The following MRPL42 variants were observed in gnomAD, a reference collection of about 807,000 sequenced individuals.
The protein encoded by MRPL42 is mitochondrial ribosomal protein L42, also known as large ribosomal subunit protein mL42.
Under a neutral mutation model 17.9 loss-of-function variants are expected in MRPL42, and 17 were observed. The observed-to-expected ratio is 0.95, with a 90% CI of 0.65 to 1.42. The LOEUF (loss-of-function observed/expected upper bound fraction) is 1.42. Among genes scored for constraint, MRPL42 ranks in the 40% most tolerant of loss-of-function variants. The pLI, the probability that MRPL42 is intolerant of heterozygous loss-of-function variation, is 0.00. For missense variants in MRPL42, 177 were observed against 175.2 expected, an observed-to-expected ratio of 1.01 and a Z score of -0.06; for synonymous variants, 59 against 54.4, an observed-to-expected ratio of 1.08 and a Z score of -0.37.
rs958593085 is a variant in MRPL42 at position 93,511,676 on chromosome 12, A to G, written c.*10455A>G. 1.3e-5 allele frequency: 2 copies of G among 152,250 alleles called. No individual in the cohort carries two copies. Among genetic ancestry groups the G allele is most frequent in the African/African-American group, 4.8e-5 (2 of 41,474 alleles). 9.4% of individuals were successfully genotyped at this position (152,250 alleles called of 1,614,324 possible). A position where few individuals can be genotyped will look rare whatever the true frequency, so the allele number is the denominator to read the frequency against. On this transcript the variant is annotated 3_prime_UTR_variant, in exon 6 of 6. Transcript: ENST00000549982. ...CAATTAGTTTATATGCTATTTGAAT[A>G]TGATAGTAATATGAAGGAAGATTCT...
At chr12:93,472,307 G>A (rs956814675) in intron 2 of MRPL42, among the ~76,000 whole-genome samples, 2 of 152,174 alleles carry the variant, frequency 1.3e-5, no homozygotes, top group African/African-American at 4.8e-5. Context: ...TGAAAGTAAA[G>A]GGCTGGGCAG....
At chr12:93,485,108 C>G (rs1431562673) in intron 4 of MRPL42, among the ~76,000 whole-genome samples, 1 of 144,826 alleles carries the variant, frequency 6.9e-6, no homozygotes, top group Non-Finnish European at 1.5e-5. Flanking sequence ...CCACTTTGAC[C>G]TTCCTAAGTG....
rs1276291967 is a variant in MRPL42, at chr12:93,504,570, AATGT to A, written c.*3354_*3357del. On this transcript the variant is annotated 3_prime_UTR_variant, in exon 6 of 6. Transcript: ENST00000549982. Reference sequence around the variant, plus strand: ...ATGTTTTAATTTGATCAGCCACTTTAATGTATGTCTCATTTCAAAGCATATAAAG... The same window carrying A: ...ATGTTTTAATTTGATCAGCCACTTTAATGTCTCATTTCAAAGCATATAAAG... The A allele has an allele frequency of 6.6e-6, 1 of 152,192 alleles. No individual in the cohort carries two copies. Among genetic ancestry groups the A allele is most frequent in the Non-Finnish European group, 1.5e-5 (1 of 68,030 alleles). The allele number at this position is 152,192 out of a possible 1,614,324, so 9.4% of individuals were successfully genotyped here.
intron 4 of MRPL42, among the ~76,000 whole-genome samples, chr12:93,479,936 G>A (rs752220123): frequency 2.1e-4 from 32 of 150,074 alleles, no homozygotes; most frequent in Non-Finnish European, 4.3e-4. Context: ...GGCCAACATA[G>A]GTATATATTT....
chr12:93,494,865 A>G (rs986497452), intron 5 of MRPL42, among the ~76,000 whole-genome samples: 11 of 152,216 alleles, frequency 7.2e-5, no homozygotes, highest in Non-Finnish European at 1.3e-4. Context: ...TTAGATATGT[A>G]AAAAGAATTT....
At chr12:93,468,124 G>T (rs941176527) in intron 1 of MRPL42, among the ~76,000 whole-genome samples, 2 of 152,064 alleles carry the variant, frequency 1.3e-5, no homozygotes, top group Non-Finnish European at 2.9e-5. Flanking sequence ...AAATGGAGAT[G>T]CTGCTTCACA....
At position 93,514,878 on chromosome 12, in the gene MRPL42, A is replaced by G. The variant is rs1300560616; in HGVS notation, c.*13657A>G. 6.6e-6 allele frequency: 1 copy of G among 152,072 alleles called. No individual in the cohort carries two copies. The highest frequency in any genetic ancestry group is 2.4e-5 in the African/African-American group (1 of 41,410). 9.4% of individuals were successfully genotyped at this position (152,072 alleles called of 1,614,324 possible). ...TATTTTTTTTTACTGTGGACAGTAT[A>G]CTTTTACGAATGGTGCCAATAATGC... is the stretch of plus-strand genomic sequence containing the variant. On this transcript the variant is annotated 3_prime_UTR_variant, in exon 6 of 6. Transcript: ENST00000549982.
intron 5 of MRPL42, among the ~76,000 whole-genome samples, chr12:93,496,643 T>TAAAAAAAA (rs35375116): frequency 5.7e-5 from 4 of 70,714 alleles, no homozygotes; most frequent in Non-Finnish European, 7.6e-5. Flanking sequence ...TCAGATTAGG[T>TAAAAAAAA]AAAAAAAAAA....
At chr12:93,468,723 TTTATTA>T (rs889341261) in intron 1 of MRPL42, among the ~76,000 whole-genome samples, 1 of 151,950 alleles carries the variant, frequency 6.6e-6, no homozygotes, top group African/African-American at 2.4e-5. Context: ...TTGATATTTC[TTTATTA>T]TTATTATTAT....
chr12:93,499,100 T>C (rs1403875405), intron 5 of MRPL42, among the ~76,000 whole-genome samples: 4 of 61,368 alleles, frequency 6.5e-5, no homozygotes, highest in African/African-American at 1.9e-4. Flanking sequence ...ATTTAACTCT[T>C]GTATTAATTA....
intron 5 of MRPL42, among the ~76,000 whole-genome samples, chr12:93,494,369 G>A (rs1413389407): frequency 3.9e-5 from 6 of 152,174 alleles, no homozygotes; most frequent in Non-Finnish European, 7.3e-5. Flanking sequence ...CAGAGGGAAT[G>A]GTGACAAATG....
At chr12:93,489,717 G>A (rs2121243051) in intron 5 of MRPL42, among the ~76,000 whole-genome samples, 1 of 152,212 alleles carries the variant, frequency 6.6e-6, no homozygotes, top group Middle Eastern at 3.4e-3. Flanking sequence ...TGTATTTTTA[G>A]TAGAGACAAG....
chr12:93,502,989 CGTG>C lies in MRPL42; in HGVS notation c.*1769_*1771del, dbSNP rs10568072. On this transcript the variant is annotated 3_prime_UTR_variant, in exon 6 of 6. Coordinates refer to ENST00000549982, the MANE Select transcript of MRPL42 (RefSeq NM_014050.4). Reference sequence around the variant, plus strand: ...AATTTTGCTAAATAAGCACATAGTCCGTGATCACCAGCATCACCTGCCCTCTGT... The same window carrying C: ...AATTTTGCTAAATAAGCACATAGTCCATCACCAGCATCACCTGCCCTCTGT... The C allele has an allele frequency of 0.67, 101,571 of 151,634 alleles. 34,239 individuals carry two copies. Among genetic ancestry groups the C allele is most frequent in the Middle Eastern group, 0.72 (212 of 294 alleles). 9.4% of individuals were successfully genotyped at this position (151,634 alleles called of 1,614,324 possible).
Position 93,512,496 on chromosome 12 carries a change from T to A in MRPL42, c.*11275T>A, listed in dbSNP as rs1363138325. ...GAAATAAAGATATAAATTGGCCAGC[T>A]AGAGTTACCTGAAGTTACTATCTTC... On this transcript the variant is annotated 3_prime_UTR_variant, in exon 6 of 6. Transcript: ENST00000549982. 1 of 152,474 alleles carries A rather than the reference T, an allele frequency of 6.6e-6. No individual in the cohort carries two copies. Among genetic ancestry groups the A allele is most frequent in the Non-Finnish European group, 1.5e-5 (1 of 68,038 alleles). The allele number at this position is 152,474 out of a possible 1,614,324, so 9.4% of individuals were successfully genotyped here. A position where few individuals can be genotyped will look rare whatever the true frequency, so the allele number is the denominator to read the frequency against.
intron 5 of MRPL42, among the ~76,000 whole-genome samples, chr12:93,498,007 A>G (rs1438787293): frequency 1.1e-5 from 1 of 93,902 alleles, no homozygotes; most frequent in Non-Finnish European, 2.1e-5. Flanking sequence ...CAGGGCTTTT[A>G]TACTTGCTGT....
At chr12:93,484,681 C>T (rs12825966) in intron 4 of MRPL42, among the ~76,000 whole-genome samples, 19,554 of 151,748 alleles carry the variant, frequency 0.13, 1,589 homozygotes, top group East Asian at 0.22. Context: ...ACTGAAACCT[C>T]TGCCTACTGG....
chr12:93,494,124 C>T (rs1953451718), intron 5 of MRPL42, among the ~76,000 whole-genome samples: 1 of 149,828 alleles, frequency 6.7e-6, no homozygotes, highest in Admixed American at 6.7e-5. Context: ...AGAGGTAATG[C>T]AGGACCAAAT....
rs1438333896 is a variant in MRPL42 at position 93,514,322 on chromosome 12, G to T, written c.*13101G>T. 2.9e-5 allele frequency: 4 copies of T among 137,066 alleles called. No homozygotes were observed. The highest frequency in any genetic ancestry group is 7.8e-5 in the Admixed American group (1 of 12,866). 8.5% of individuals were successfully genotyped at this position (137,066 alleles called of 1,614,324 possible). On this transcript the variant is annotated 3_prime_UTR_variant, in exon 6 of 6. Transcript: ENST00000549982. ...TTTTTTTTTTTTTTTTTTTGAGATG[G>T]CGTCTCCTCTGTCAATCTCGGTTCA... is the stretch of plus-strand genomic sequence containing the variant.
intron 5 of MRPL42, among the ~76,000 whole-genome samples, chr12:93,494,278 G>A (rs1484506368): frequency 6.6e-6 from 1 of 152,226 alleles, no homozygotes; most frequent in Non-Finnish European, 1.5e-5. Flanking sequence ...CTGCAGCAAA[G>A]CAAAGGAAGC....
Sources: allele counts gnomAD v4.1 joint callset (sites outside exome capture counted in the v4.1 genomes callset), GRCh38; gene constraint gnomAD v4.1.1; transcripts MANE v1.5; gene names NCBI Gene and HGNC (gene_info 2026-07-23, HGNC 2026-07-21).